The following PDZRN3 variants were observed in gnomAD, a reference collection of about 807,000 sequenced individuals.
The protein encoded by PDZRN3 is PDZ domain containing ring finger 3.
In PDZRN3, 38 loss-of-function variants were observed where a neutral mutation model predicts 85.7. The ratio of observed to expected loss-of-function variants is 0.44; its 90% CI spans 0.34 to 0.58. PDZRN3 has a LOEUF of 0.58. PDZRN3 is among the 20% of genes least tolerant of loss of function. PDZRN3 has a pLI of 0.01. For missense variants in PDZRN3, 1,629 were observed against 1,506.4 expected (o/e 1.08, Z -1.35); for synonymous variants, 759 against 638.0 (o/e 1.19, Z -2.86).
intron 5 of PDZRN3, among the ~76,000 whole-genome samples, chr3:73,394,332 C>T (rs191828401): frequency 6.6e-6 from 1 of 152,122 alleles, no homozygotes; most frequent in Non-Finnish European, 1.5e-5. Flanking sequence ...ACACATACTC[C>T]CTCACAATAG....
rs753519188 is a variant in PDZRN3 at position 73,384,162 on chromosome 3, C to T, written c.2404G>A (p.Gly802Arg). ...GAGAGCAGATTCTTGGAGGCTGGCC[C>T]GTAGGCTTCCGTGGTCCCCACAGCC... Reference protein sequence around the residue: ...EGAVGTTEAYGPASKNLLSIT... With the variant: ...EGAVGTTEAYRPASKNLLSIT... The change falls in exon 10 of 10, where the codon GGG (glycine) becomes AGG (arginine). Residue 802 changes from glycine (G) to arginine (R), a missense_variant. Transcript: ENST00000263666. 2 of 1,614,050 alleles carry T rather than the reference C, an allele frequency of 1.2e-6. No homozygotes were observed. The highest frequency in any genetic ancestry group is 1.7e-6 in the Non-Finnish European group (2 of 1,180,014).
At chr3:73,445,750 G>GAT (rs1412419960) in intron 3 of PDZRN3, among the ~76,000 whole-genome samples, 2 of 152,310 alleles carry the variant, frequency 1.3e-5, no homozygotes, top group South Asian at 2.1e-4. Flanking sequence ...CCTTAAAACT[G>GAT]ATATATATGT....
intron 3 of PDZRN3, among the ~76,000 whole-genome samples, chr3:73,506,094 A>C (rs1041871591): frequency 6.6e-6 from 1 of 152,180 alleles, no homozygotes; most frequent in Non-Finnish European, 1.5e-5. Flanking sequence ...TGTGAAACTC[A>C]TTATCTCTGC....
At chr3:73,513,342 G>T (rs748730097) in intron 3 of PDZRN3, among the ~76,000 whole-genome samples, 1 of 152,118 alleles carries the variant, frequency 6.6e-6, no homozygotes. Context: ...CACTGCTCCC[G>T]GTAAATGAAG....
intron 3 of PDZRN3, among the ~76,000 whole-genome samples, chr3:73,472,462 C>T (rs1040561456): frequency 2.6e-5 from 4 of 152,180 alleles, no homozygotes; most frequent in Non-Finnish European, 5.9e-5. Context: ...CCCGTATATG[C>T]CCTCGGTCTG....
In PDZRN3 at chr3:73,624,104, T is replaced by C. The variant is rs1193348173; in HGVS notation, c.722A>G (p.Lys241Arg). 1.4e-6 allele frequency: 2 copies of C among 1,452,666 alleles called. No individual in the cohort carries two copies. Among genetic ancestry groups the C allele is most frequent in the Middle Eastern group, 2.3e-4 (1 of 4,410 alleles). 90.0% of individuals were successfully genotyped at this position (1,452,666 alleles called of 1,614,324 possible). A position where few individuals can be genotyped will look rare whatever the true frequency, so the allele number is the denominator to read the frequency against. ...SRCVAAPPGG[K>R]GEETKSLTLV... ...TCGGGGCGGGCAGCAGGCGCCTACC[T>C]TGCCGCCGGGCGGCGCGGCCACGCA... The change falls in exon 1 of 10, where the codon AAG becomes AGG. Residue 241 changes from lysine (K) to arginine (R), a missense_variant and splice_region_variant. By Grantham distance (26) the Lys-to-Arg change is conservative. Coordinates refer to ENST00000263666, the MANE Select transcript of PDZRN3 (RefSeq NM_015009.3).
At chr3:73,486,136 A>G (rs9838633) in intron 3 of PDZRN3, among the ~76,000 whole-genome samples, 151,787 of 152,364 alleles carry the variant, frequency 1, 75,612 homozygotes, top group Middle Eastern at 1. Context: ...AAGAGACTGC[A>G]TAGTGAAGGA....
At chr3:73,496,037 T>C (rs2106672355) in intron 3 of PDZRN3, among the ~76,000 whole-genome samples, 1 of 152,132 alleles carries the variant, frequency 6.6e-6, no homozygotes, top group South Asian at 2.1e-4. Flanking sequence ...GGATTATCTG[T>C]TCATCAAAGT....
At chr3:73,514,835 C>T (rs962447337) in intron 3 of PDZRN3, among the ~76,000 whole-genome samples, 1 of 152,176 alleles carries the variant, frequency 6.6e-6, no homozygotes, top group African/African-American at 2.4e-5. Flanking sequence ...GTTCCCGGTA[C>T]AAAGACAAGC....
intron 3 of PDZRN3, among the ~76,000 whole-genome samples, chr3:73,554,200 A>C (rs1701633419): frequency 6.6e-6 from 1 of 152,058 alleles, no homozygotes. Flanking sequence ...TCTTATATAT[A>C]CCCATGAGGT....
chr3:73,391,038 T>C lies in PDZRN3; in HGVS notation c.1333A>G (p.Ile445Val), dbSNP rs747157846. The C allele has an allele frequency of 3.1e-6, 5 of 1,612,728 alleles. No homozygotes were observed. Among genetic ancestry groups the C allele is most frequent in the Non-Finnish European group, 3.4e-6 (4 of 1,178,900 alleles). Residue 445 changes from isoleucine (I) to valine (V), a missense_variant, in exon 6 of 10, where the codon ATT becomes GTT. By Grantham distance (29) the Ile-to-Val change is conservative. Coordinates refer to ENST00000263666, the MANE Select transcript of PDZRN3 (RefSeq NM_015009.3). ...VCYRTDDEDD[I>V]GIYISEIDPN... ...TGTACCTCACTGATATAAATCCCAA[T>C]GTCGTCTTCATCGTCCGTCCGGTAG...
At chr3:73,412,046 C>T (rs1701984004) in intron 3 of PDZRN3, among the ~76,000 whole-genome samples, 1 of 152,198 alleles carries the variant, frequency 6.6e-6, no homozygotes, top group African/African-American at 2.4e-5. Flanking sequence ...TGGTGGCTTT[C>T]ACCTTGAATT....
At chr3:73,502,205 G>A (rs1703993243) in intron 3 of PDZRN3, among the ~76,000 whole-genome samples, 1 of 152,144 alleles carries the variant, frequency 6.6e-6, no homozygotes, top group Non-Finnish European at 1.5e-5. Flanking sequence ...ATCTTGATTT[G>A]GTTGCTCATG....
chr3:73,432,630 CT>C (rs1242204662), intron 3 of PDZRN3, among the ~76,000 whole-genome samples: 4 of 152,136 alleles, frequency 2.6e-5, no homozygotes, highest in Non-Finnish European at 5.9e-5. Flanking sequence ...ATATCACCCC[CT>C]GGTGGCCTAA....
intron 3 of PDZRN3, among the ~76,000 whole-genome samples, chr3:73,412,776 G>A (rs1288513227): frequency 7.2e-5 from 11 of 152,194 alleles, no homozygotes; most frequent in Non-Finnish European, 1.0e-4. Context: ...TATGGTTCAT[G>A]CCTAGTGCAT....
At chr3:73,612,086 T>C (rs1056957194) in intron 1 of PDZRN3, among the ~76,000 whole-genome samples, 4 of 136,196 alleles carry the variant, frequency 2.9e-5, no homozygotes. Context: ...TAGTTTATCA[T>C]AACCCATGAT....
rs373518921 is a variant in PDZRN3 at position 73,517,836 on chromosome 3, G to A, written c.918+84518C>T. Among the ~76,000 whole-genome samples, 63 of 152,294 alleles carry A rather than the reference G, an allele frequency of 4.1e-4. No individual in the cohort carries two copies. In the South Asian group the frequency reaches 6.0e-3, roughly 15 times the overall value. On this transcript the variant is annotated intron_variant, in intron 3 of 9. Transcript: ENST00000263666. Reference sequence around the variant, plus strand: ...CAAAAACAGCTGACCTCACATGCACGACTAAAATAAGTTTCTTTGATGTGG... The same window carrying A: ...CAAAAACAGCTGACCTCACATGCACAACTAAAATAAGTTTCTTTGATGTGG...
intron 3 of PDZRN3, among the ~76,000 whole-genome samples, chr3:73,491,826 C>G (rs1703776442): frequency 6.6e-6 from 1 of 151,904 alleles, no homozygotes; most frequent in Non-Finnish European, 1.5e-5. Context: ...GTCTTGAACT[C>G]CTGGCTTCAA....
intron 3 of PDZRN3, among the ~76,000 whole-genome samples, chr3:73,502,884 C>G (rs922605020): frequency 2.6e-5 from 4 of 152,192 alleles, no homozygotes; most frequent in African/African-American, 9.7e-5. Flanking sequence ...CACCTGCTGG[C>G]TCACAGGTGA....
Sources: allele counts gnomAD v4.1 joint callset (sites outside exome capture counted in the v4.1 genomes callset), GRCh38; gene constraint gnomAD v4.1.1; transcripts MANE v1.5; gene names NCBI Gene and HGNC (gene_info 2026-07-23, HGNC 2026-07-21).